PXK: variants seen among roughly 807,000 people sequenced by gnomAD.
PXK encodes PX domain-containing protein kinase-like protein.
A neutral mutation model predicts 84.7 loss-of-function variants in PXK; 35 were observed. The observed-to-expected ratio is 0.41, with a 90% confidence interval of 0.32 to 0.55. The LOEUF is 0.55. PXK is among the 20% of genes least tolerant of loss of function. The pLI is 0.21. For synonymous variants in PXK, 253 were observed against 260.8 expected (o/e 0.97, Z 0.29); for missense variants, 634 against 699.7 (o/e 0.91, Z 1.06).
At chr3:58,378,117 AT>A (rs1361721383) in intron 3 of PXK, among the ~76,000 whole-genome samples, 2 of 152,178 alleles carry the variant, frequency 1.3e-5, no homozygotes, top group African/African-American at 4.8e-5. Flanking sequence ...ATGCAGGCAC[AT>A]TTGAAAACAT....
At chr3:58,420,288 A>C (rs1276808470) in intron 17 of PXK, among the ~76,000 whole-genome samples, 1 of 152,164 alleles carries the variant, frequency 6.6e-6, no homozygotes, top group Non-Finnish European at 1.5e-5. Flanking sequence ...AAAGTGACTC[A>C]TTAGGTGGCT....
At position 58,390,896 on chromosome 3, in the gene PXK, T is replaced by C. The variant is rs1186204240; in HGVS notation, c.466+237T>C. On this transcript the variant is annotated intron_variant, in intron 5 of 17. Coordinates refer to ENST00000356151, the MANE Select transcript of PXK (RefSeq NM_017771.5). The surrounding 1 kb of genome is among the most constrained non-coding windows in gnomAD (Gnocchi z 4.2). ...TTTCAGAAACACCATTCCTTCTTCA[T>C]CTATCTTTTTCACTACATCTAAACT... Among the ~76,000 whole-genome samples the C allele has an allele frequency of 6.6e-6, 1 of 152,216 alleles. No homozygotes were observed. Among genetic ancestry groups the C allele is most frequent in the South Asian group, 2.1e-4 (1 of 4,832 alleles).
chr3:58,370,304 G>A lies in PXK; in HGVS notation c.201+826G>A, dbSNP rs942047677. ...AATGGGAAGAAGCATGAGCTGGAAGGTCTTCATCTAGAAACACAGCCAGTG... is the reference window on the plus strand; with the variant it reads ...AATGGGAAGAAGCATGAGCTGGAAGATCTTCATCTAGAAACACAGCCAGTG... On this transcript the variant is annotated intron_variant, in intron 3 of 17. Coordinates refer to ENST00000356151, the MANE Select transcript of PXK (RefSeq NM_017771.5). This position sits in a 1 kb window ranked among gnomAD's most constrained non-coding sequence, Gnocchi z 4.2. 2.6e-5 allele frequency among the ~76,000 whole-genome samples: 4 copies of A among 152,190 alleles called. No individual in the cohort carries two copies. Among genetic ancestry groups the A allele is most frequent in the African/African-American group, 9.7e-5 (4 of 41,442 alleles).
Position 58,351,398 on chromosome 3 carries a change from TGTG to T in PXK, c.103-14475_103-14473del, listed in dbSNP as rs1559887013. Among the ~76,000 whole-genome samples, 517 of 71,838 alleles carry T rather than the reference TGTG, an allele frequency of 7.2e-3. 1 individual carries two copies. The highest frequency in any genetic ancestry group is 0.031 in the African/African-American group (477 of 15,372). The allele number at this position is 71,838 out of a possible 152,430, so 47.1% of individuals were successfully genotyped here. On this transcript the variant is annotated intron_variant, in intron 1 of 17. Coordinates refer to ENST00000356151, the MANE Select transcript of PXK (RefSeq NM_017771.5). ...GTGCGCCACCACAGCTAGCTATTTG[TGTG>T]TGTGTGTGTGTGTGTGTGTGTGTGT...
In PXK at chr3:58,421,825, A is replaced by C; in HGVS notation, c.1529-2927A>C. On this transcript the variant is annotated intron_variant, in intron 17 of 17. Transcript: ENST00000356151. The surrounding 1 kb of genome is among the most constrained non-coding windows in gnomAD (Gnocchi z 5.5). The stretch of plus-strand genomic sequence containing the variant: ...TCTAAGAGAAAGTGAGATGGGAGAA[A>C]TCGGGACTGACCTGGTCGTAACTGA... 1.0e-6 allele frequency: 1 copy of C among 985,414 alleles called. No homozygotes were observed. The highest frequency in any genetic ancestry group is 1.2e-6 in the Non-Finnish European group (1 of 829,934). 61.0% of individuals were successfully genotyped at this position (985,414 alleles called of 1,614,324 possible). A position where few individuals can be genotyped will look rare whatever the true frequency, so the allele number is the denominator to read the frequency against.
At chr3:58,365,561 A>G (rs935306069) in intron 1 of PXK, among the ~76,000 whole-genome samples, 6 of 152,188 alleles carry the variant, frequency 3.9e-5, no homozygotes, top group Admixed American at 6.6e-5. Flanking sequence ...TGTTCTGTCA[A>G]TTCCTGACAG....
At position 58,421,812 on chromosome 3, in the gene PXK, T is replaced by C. The variant is rs149359472; in HGVS notation, c.1529-2940T>C. 383 of 985,244 alleles carry C rather than the reference T, an allele frequency of 3.9e-4. No homozygotes were observed. The African/African-American group carries it at 5.6e-3, about 14-fold the overall frequency. The allele number at this position is 985,244 out of a possible 1,614,324, so 61.0% of individuals were successfully genotyped here. ...CTCAGGGATTTTGTCTAAGAGAAAGTGAGATGGGAGAAATCGGGACTGACC... is the reference window on the plus strand; with the variant it reads ...CTCAGGGATTTTGTCTAAGAGAAAGCGAGATGGGAGAAATCGGGACTGACC... On this transcript the variant is annotated intron_variant, in intron 17 of 17. Coordinates refer to ENST00000356151, the MANE Select transcript of PXK (RefSeq NM_017771.5). This position sits in a 1 kb window ranked among gnomAD's most constrained non-coding sequence, Gnocchi z 5.5.
intron 3 of PXK, among the ~76,000 whole-genome samples, chr3:58,369,748 T>C (rs1576148314): frequency 6.9e-6 from 1 of 145,130 alleles, no homozygotes. Context: ...CACTTGAACC[T>C]GGGAAGCGGA....
chr3:58,353,540 T>C (rs1331285931), intron 1 of PXK, among the ~76,000 whole-genome samples: 3 of 152,180 alleles, frequency 2.0e-5, no homozygotes, highest in Non-Finnish European at 4.4e-5. Context: ...CAGTAAATAA[T>C]GACTACTTAG....
rs2059554437 is a variant in PXK at position 58,407,393 on chromosome 3, G to T, written c.1231-1531G>T. The stretch of plus-strand genomic sequence containing the variant: ...TATGTCTTTTGCCTCTTTTTAATTG[G>T]GTTACTTATATTTTGTTGTTGAGTT... On this transcript the variant is annotated intron_variant, in intron 13 of 17. Transcript: ENST00000356151. This position sits in a 1 kb window ranked among gnomAD's most constrained non-coding sequence, Gnocchi z 4.3. Among the ~76,000 whole-genome samples the T allele has an allele frequency of 6.6e-6, 1 of 151,368 alleles. No individual in the cohort carries two copies.
At chr3:58,366,979 C>G (rs760038932) in intron 2 of PXK, among the ~76,000 whole-genome samples, 1 of 152,122 alleles carries the variant, frequency 6.6e-6, no homozygotes, top group Non-Finnish European at 1.5e-5. Context: ...GTATATTTGG[C>G]AAACAGGGCC....
chr3:58,361,188 C>T (rs559698183), intron 1 of PXK, among the ~76,000 whole-genome samples: 9 of 148,552 alleles, frequency 6.1e-5, no homozygotes, highest in South Asian at 4.3e-4. Flanking sequence ...CCCAGCTACT[C>T]GAGAGGCTGA....
chr3:58,382,226 G>A (rs2098510245), intron 3 of PXK, among the ~76,000 whole-genome samples: 1 of 152,144 alleles, frequency 6.6e-6, no homozygotes, highest in Admixed American at 6.5e-5. Flanking sequence ...TGAGGCAGGA[G>A]AATCTCTTGA....
At chr3:58,357,851 G>A (rs1019168396) in intron 1 of PXK, among the ~76,000 whole-genome samples, 2 of 152,130 alleles carry the variant, frequency 1.3e-5, no homozygotes, top group Non-Finnish European at 2.9e-5. Context: ...TTGGGAAGCT[G>A]AGGCAGGAGA....
intron 1 of PXK, among the ~76,000 whole-genome samples, chr3:58,343,211 A>G (rs1213128047): frequency 6.6e-6 from 1 of 152,136 alleles, no homozygotes; most frequent in African/African-American, 2.4e-5. Flanking sequence ...GTAACAAGTG[A>G]TTCCTGGGCA....
At chr3:58,347,161 C>T (rs2097840315) in intron 1 of PXK, among the ~76,000 whole-genome samples, 1 of 151,950 alleles carries the variant, frequency 6.6e-6, no homozygotes, top group Non-Finnish European at 1.5e-5. Context: ...TTTATAAAGA[C>T]GAGGTCTCAC....
Position 58,385,442 on chromosome 3 carries a change from C to T in PXK, c.388+2742C>T, listed in dbSNP as rs1186901185. 3.3e-5 allele frequency among the ~76,000 whole-genome samples: 5 copies of T among 152,276 alleles called. No homozygotes were observed. In the East Asian group the frequency reaches 7.7e-4, roughly 23 times the overall value. On this transcript the variant is annotated intron_variant, in intron 4 of 17. Transcript: ENST00000356151. The surrounding 1 kb of genome is among the most constrained non-coding windows in gnomAD (Gnocchi z 5.1). ...CCATTCCTGAGATTCACAGCATGGC[C>T]CACGGAACATACCCTGCACGCCTCT...
intron 1 of PXK, among the ~76,000 whole-genome samples, chr3:58,353,060 G>C (rs911147184): frequency 3.3e-5 from 5 of 151,656 alleles, no homozygotes; most frequent in Admixed American, 3.3e-4. Flanking sequence ...GCAGTGGTGC[G>C]ATCTCGGCTC....
At chr3:58,355,319 A>G (rs1038805941) in intron 1 of PXK, among the ~76,000 whole-genome samples, 3 of 152,158 alleles carry the variant, frequency 2.0e-5, no homozygotes, top group Non-Finnish European at 4.4e-5. Context: ...CAGGTTCTGC[A>G]AAACATCTCT....
Sources: gnomAD v4.1 joint callset for allele counts (sites outside exome capture counted in the v4.1 genomes callset) on GRCh38, gnomAD v4.1.1 for gene constraint, Gnocchi (gnomAD v3.1) non-coding constraint, MANE v1.5 for transcripts, NCBI Gene and HGNC (gene_info 2026-07-23, HGNC 2026-07-21) for gene names.